Variants in VAT1L observed in about 807,000 individuals in gnomAD.
VAT1L encodes vesicle amine transport 1 like, also known as putative NADPH-dependent quinone oxidoreductase VAT1L.
Under a neutral mutation model 44.1 loss-of-function variants are expected in VAT1L, and 34 were observed. The observed-to-expected ratio is 0.77, with a 90% CI of 0.59 to 1.03. The LOEUF is 1.03. VAT1L is among the 50% of genes least tolerant of loss of function. The pLI is 0.00. For missense variants in VAT1L, 615 were observed against 538.8 expected, an observed-to-expected ratio of 1.14 and a Z score of -1.40; for synonymous variants, 253 against 202.2, an observed-to-expected ratio of 1.25 and a Z score of -2.13.
At chr16:77,892,424 A>G (rs1234270637) in intron 7 of VAT1L, 3 of 461,362 alleles carry the variant, frequency 6.5e-6, no homozygotes, top group Non-Finnish European at 1.3e-5. Context: ...CTGCTGCACC[A>G]TGGTCAATCC....
chr16:77,851,230 T>C (rs2016805523), intron 3 of VAT1L, among the ~76,000 whole-genome samples: 1 of 152,160 alleles, frequency 6.6e-6, no homozygotes, highest in Non-Finnish European at 1.5e-5. Flanking sequence ...GGTTACAGAT[T>C]GAACCTTTCC....
intron 7 of VAT1L, among the ~76,000 whole-genome samples, chr16:77,955,261 T>C (rs547002363): frequency 1.3e-5 from 2 of 152,128 alleles, no homozygotes; most frequent in Non-Finnish European, 2.9e-5. Flanking sequence ...TAAGGGACAT[T>C]TGGCAATGCC....
intron 7 of VAT1L, among the ~76,000 whole-genome samples, chr16:77,938,207 C>T (rs1444180855): frequency 6.6e-6 from 1 of 152,168 alleles, no homozygotes; most frequent in Non-Finnish European, 1.5e-5. Context: ...CCCTAATGCA[C>T]AGATGAACTG....
chr16:77,951,011 T>G (rs1203454421), intron 7 of VAT1L, among the ~76,000 whole-genome samples: 2 of 152,198 alleles, frequency 1.3e-5, no homozygotes, highest in South Asian at 4.1e-4. Flanking sequence ...AGCCATTGTA[T>G]AGGTTTTGGA....
At chr16:77,878,992 G>T (rs1389811550) in intron 5 of VAT1L, among the ~76,000 whole-genome samples, 177 bp from the exon 6 acceptor site, 1 of 152,204 alleles carries the variant, frequency 6.6e-6, no homozygotes, top group Non-Finnish European at 1.5e-5. Context: ...GGGACAGTCA[G>T]CTAACATAGT....
At chr16:77,916,780 T>G (rs1038798705) in intron 7 of VAT1L, among the ~76,000 whole-genome samples, 1 of 151,590 alleles carries the variant, frequency 6.6e-6, no homozygotes, top group Non-Finnish European at 1.5e-5. Context: ...AGCCTCCTTA[T>G]ACTACACTGC....
intron 7 of VAT1L, among the ~76,000 whole-genome samples, chr16:77,902,740 G>GGC (rs1567503296): frequency 7.6e-6 from 1 of 132,428 alleles, no homozygotes; most frequent in Admixed American, 8.4e-5. Context: ...GGTGGGGGGG[G>GGC]TGTGGATCAC....
intron 6 of VAT1L, among the ~76,000 whole-genome samples, chr16:77,881,859 G>A (rs530941737): frequency 6.6e-6 from 1 of 152,210 alleles, no homozygotes; most frequent in Non-Finnish European, 1.5e-5. Flanking sequence ...GACTGCTGTG[G>A]GTAACCACAC....
chr16:77,925,376 CT>C (rs771255149), intron 7 of VAT1L, among the ~76,000 whole-genome samples: 1 of 152,148 alleles, frequency 6.6e-6, no homozygotes, highest in Admixed American at 6.5e-5. Context: ...CAAATAGTCA[CT>C]AATTTCACCT....
At chr16:77,894,033 C>G (rs535301373) in intron 7 of VAT1L, among the ~76,000 whole-genome samples, 69 of 152,282 alleles carry the variant, frequency 4.5e-4, no homozygotes, top group African/African-American at 1.6e-3. Context: ...GAGAGGAATA[C>G]GTTGCCCAAG....
chr16:77,911,570 C>T (rs1484839801), intron 7 of VAT1L, among the ~76,000 whole-genome samples: 1 of 152,210 alleles, frequency 6.6e-6, no homozygotes, highest in Non-Finnish European at 1.5e-5. Flanking sequence ...TGGCCCTGAG[C>T]CCTCTTGCAG....
rs563580367 is a variant in VAT1L, at chr16:77,821,493, A to T, written c.364-3753A>T. On this transcript the variant is annotated intron_variant, in intron 2 of 8. Transcript: ENST00000302536. ...TTTTTAGTAGAGAAAGAGTTTCACCATGTTGGCCAGGCTGATCTCAAACCC... is the reference window on the plus strand; with the variant it reads ...TTTTTAGTAGAGAAAGAGTTTCACCTTGTTGGCCAGGCTGATCTCAAACCC... 3.3e-5 allele frequency among the ~76,000 whole-genome samples: 5 copies of T among 152,100 alleles called. No homozygotes were observed. The South Asian group carries it at 1.0e-3, about 32-fold the overall frequency.
intron 7 of VAT1L, among the ~76,000 whole-genome samples, chr16:77,937,073 G>A (rs1391405851): frequency 6.6e-6 from 1 of 151,996 alleles, no homozygotes; most frequent in Non-Finnish European, 1.5e-5. Flanking sequence ...TAGTAGAGAC[G>A]GGGTTCACCA....
intron 3 of VAT1L, among the ~76,000 whole-genome samples, chr16:77,828,700 T>G (rs2016549503): frequency 6.7e-6 from 1 of 150,266 alleles, no homozygotes; most frequent in Non-Finnish European, 1.5e-5. Context: ...AAGGTGGGAG[T>G]GGGAAGTAGA....
chr16:77,857,964 T>A (rs1181302259), intron 3 of VAT1L, among the ~76,000 whole-genome samples: 1 of 152,034 alleles, frequency 6.6e-6, no homozygotes, highest in Non-Finnish European at 1.5e-5. Context: ...CTAAAGGACA[T>A]GAAGGCTGCA....
rs1032459679 is a variant in VAT1L at position 77,929,017 on chromosome 16, A to G, written c.1078-42833A>G. The stretch of plus-strand genomic sequence containing the variant: ...TTTTTAGTAGAGATGGGGTTTCACC[A>G]TGTTGGCCAGGATGGTCTCGATCTC... On this transcript the variant is annotated intron_variant, in intron 7 of 8. Coordinates refer to ENST00000302536, the MANE Select transcript of VAT1L (RefSeq NM_020927.3). Among the ~76,000 whole-genome samples the G allele has an allele frequency of 2.0e-5, 3 of 152,226 alleles. No homozygotes were observed. The South Asian group carries it at 6.2e-4, about 32-fold the overall frequency.
rs1401176995 is a variant in VAT1L, at chr16:77,955,395, CAAAATGCCAATAGCTACTAGATTGAGGA to C, written c.1078-16453_1078-16426del. ...CCCCACAACAAAGAGTTATCTGGGCCAAAATGCCAATAGCTACTAGATTGAGGAACTCTTCAACAGAGAATGGGGCCGG... is the reference window on the plus strand; with the variant it reads ...CCCCACAACAAAGAGTTATCTGGGCCACTCTTCAACAGAGAATGGGGCCGG... On this transcript the variant is annotated intron_variant, in intron 7 of 8. Coordinates refer to ENST00000302536, the MANE Select transcript of VAT1L (RefSeq NM_020927.3). Among the ~76,000 whole-genome samples, 5 of 152,058 alleles carry C rather than the reference CAAAATGCCAATAGCTACTAGATTGAGGA, an allele frequency of 3.3e-5. No individual in the cohort carries two copies. The East Asian group carries it at 9.6e-4, about 29-fold the overall frequency.
At chr16:77,814,682 A>G (rs2016321999) in intron 1 of VAT1L, among the ~76,000 whole-genome samples, 1 of 152,228 alleles carries the variant, frequency 6.6e-6, no homozygotes, top group South Asian at 2.1e-4. Context: ...TATACATGAA[A>G]TGAGATGGAG....
At chr16:77,900,842 CG>C (rs1212490337) in intron 7 of VAT1L, among the ~76,000 whole-genome samples, 1 of 152,138 alleles carries the variant, frequency 6.6e-6, no homozygotes, top group African/African-American at 2.4e-5. Flanking sequence ...CCACTCCCCC[CG>C]CAACCAGTTG....
Sources: gnomAD v4.1 joint callset for allele counts (sites outside exome capture counted in the v4.1 genomes callset) on GRCh38, gnomAD v4.1.1 for gene constraint, MANE v1.5 for transcripts, NCBI Gene and HGNC (gene_info 2026-07-23, HGNC 2026-07-21) for gene names.